The following FAM193A variants were observed in gnomAD, a reference collection of about 807,000 sequenced individuals.
FAM193A encodes the protein family with sequence similarity 193 member A.
FAM193A carries 22 observed loss-of-function variants against 126.5 expected under a neutral mutation model. The ratio of observed to expected loss-of-function variants is 0.17; its 90% CI spans 0.12 to 0.25. The LOEUF (loss-of-function observed/expected upper bound fraction) is 0.25. FAM193A is among the 10% of genes least tolerant of loss of function. The probability of loss-of-function intolerance (pLI) is 1.00; values close to 1 mark genes in which losing one functional copy is unlikely to be tolerated. For synonymous variants in FAM193A, 761 were observed against 646.8 expected, an observed-to-expected ratio of 1.18 and a Z score of -2.68; for missense variants, 1,675 against 1,672.8, an observed-to-expected ratio of 1.00 and a Z score of -0.02.
At chr4:2,580,651 T>G (rs1415008268) in intron 1 of FAM193A, among the ~76,000 whole-genome samples, 1 of 152,022 alleles carries the variant, frequency 6.6e-6, no homozygotes, top group Non-Finnish European at 1.5e-5. Flanking sequence ...TTAAAAAGAG[T>G]CTGGGGCCTC....
At chr4:2,645,468 T>G (rs1169724569) in intron 6 of FAM193A, among the ~76,000 whole-genome samples, 1 of 152,168 alleles carries the variant, frequency 6.6e-6, no homozygotes, top group Non-Finnish European at 1.5e-5. Flanking sequence ...CATGTGTGTC[T>G]TTTGTTTCCC....
chr4:2,554,678 G>T (rs1180175312), intron 1 of FAM193A, among the ~76,000 whole-genome samples: 5 of 152,074 alleles, frequency 3.3e-5, no homozygotes, highest in Non-Finnish European at 5.9e-5. Flanking sequence ...GAATGTTGAA[G>T]TCTCTGCCTA....
At chr4:2,648,653 G>T (rs1745371537) in intron 7 of FAM193A, among the ~76,000 whole-genome samples, 1 of 152,200 alleles carries the variant, frequency 6.6e-6, no homozygotes, top group Non-Finnish European at 1.5e-5. Flanking sequence ...AGCATCCCAG[G>T]GGCTGCAGCT....
chr4:2,578,967 G>A (rs1019277165), intron 1 of FAM193A, among the ~76,000 whole-genome samples: 5 of 151,804 alleles, frequency 3.3e-5, no homozygotes, highest in Admixed American at 6.6e-5. Flanking sequence ...GGCACACAGT[G>A]TAACTTTATT....
In FAM193A at chr4:2,625,274, C is replaced by G. The variant is rs1322592712; in HGVS notation, c.514C>G (p.Leu172Val). The G allele has an allele frequency of 7.1e-6, 5 of 702,058 alleles. No homozygotes were observed. The highest frequency in any genetic ancestry group is 1.3e-5 in the Non-Finnish European group (5 of 384,524). 43.5% of individuals were successfully genotyped at this position (702,058 alleles called of 1,614,324 possible). The stretch of plus-strand genomic sequence containing the variant: ...CTTTTTAAAACAGAGCCAAGATTTT[C>G]TTCTTCACTCCTCGCTTGGTGGCTC... Reference protein sequence around the residue: ...GLDQPVSQDFLLHSSLGGSQP... With the variant: ...GLDQPVSQDFVLHSSLGGSQP... Residue 172 changes from leucine to valine, a missense_variant, in exon 3 of 21, where the codon CTT (leucine) becomes GTT (valine). This residue lies in a region of FAM193A where 1,186 missense variants were observed against 1,109.2 expected (regional missense o/e 1.07). Transcript: ENST00000637812.
At chr4:2,629,181 A>G (rs574798460) in intron 4 of FAM193A, among the ~76,000 whole-genome samples, 59 of 151,510 alleles carry the variant, frequency 3.9e-4, no homozygotes, top group Non-Finnish European at 6.8e-4. Context: ...AAAGTATCAC[A>G]TGGTTATTTC....
In FAM193A at chr4:2,689,489, A is replaced by G. The variant is rs1716117694; in HGVS notation, c.2332-17A>G. On this transcript the variant is annotated splice_polypyrimidine_tract_variant and intron_variant, in intron 13 of 20. Transcript: ENST00000637812. ...AATATTAATTTTGATATGTGATTAGAAAATTTTTTTTTGTAGGCTTTACCG... is the reference window on the plus strand; with the variant it reads ...AATATTAATTTTGATATGTGATTAGGAAATTTTTTTTTGTAGGCTTTACCG... 1 of 1,547,544 alleles carries G rather than the reference A, an allele frequency of 6.5e-7. No individual in the cohort carries two copies. The highest frequency in any genetic ancestry group is 8.6e-7 in the Non-Finnish European group (1 of 1,158,304).
chr4:2,593,376 A>G (rs550179058), intron 1 of FAM193A, among the ~76,000 whole-genome samples: 2 of 151,986 alleles, frequency 1.3e-5, no homozygotes, highest in Admixed American at 6.5e-5. Flanking sequence ...TGTCAGCCCC[A>G]TGCCAGCCAC....
intron 1 of FAM193A, among the ~76,000 whole-genome samples, chr4:2,581,172 A>AT (rs1001652282): frequency 1.3e-5 from 2 of 149,726 alleles, no homozygotes; most frequent in African/African-American, 4.9e-5. Context: ...ATTTTATTCC[A>AT]TTTTTGGGAT....
chr4:2,542,672 G>C (rs1737303417), intron 1 of FAM193A, among the ~76,000 whole-genome samples: 1 of 152,178 alleles, frequency 6.6e-6, no homozygotes, highest in Non-Finnish European at 1.5e-5. Context: ...GTATCAACCA[G>C]AAACAGTGAG....
At chr4:2,720,618 T>C (rs1720024917) in intron 20 of FAM193A, among the ~76,000 whole-genome samples, 1 of 148,404 alleles carries the variant, frequency 6.7e-6, no homozygotes, top group Non-Finnish European at 1.5e-5. Flanking sequence ...ACCACTGTGC[T>C]CCAGCTTGGG....
At chr4:2,719,335 G>T (rs1233904411) in intron 20 of FAM193A, among the ~76,000 whole-genome samples, 1 of 152,230 alleles carries the variant, frequency 6.6e-6, no homozygotes, top group East Asian at 1.9e-4. Flanking sequence ...ACCTACATCA[G>T]TGTAATTTTC....
At chr4:2,713,423 G>A (rs1237466244) in intron 19 of FAM193A, among the ~76,000 whole-genome samples, 3 of 151,990 alleles carry the variant, frequency 2.0e-5, no homozygotes, top group Non-Finnish European at 2.9e-5. Flanking sequence ...AAAAAAAATT[G>A]GGGTATTAGG....
At chr4:2,554,073 T>C (rs947516717) in intron 1 of FAM193A, among the ~76,000 whole-genome samples, 1 of 152,142 alleles carries the variant, frequency 6.6e-6, no homozygotes, top group African/African-American at 2.4e-5. Context: ...TTAATTCTGT[T>C]ATCTCTCCCT....
chr4:2,662,797 C>T (rs916280556), intron 10 of FAM193A, 41 bp from the exon 11 acceptor site: 22 of 1,547,290 alleles, frequency 1.4e-5, no homozygotes, highest in Non-Finnish European at 1.8e-5. Flanking sequence ...TTGTCTTTCA[C>T]AATTGAATGA....
chr4:2,693,482 G>C lies in FAM193A; in HGVS notation c.2804-104G>C. 2.8e-6 allele frequency: 3 copies of C among 1,072,174 alleles called. No homozygotes were observed. The South Asian group carries it at 4.5e-5, about 16-fold the overall frequency. 66.4% of individuals were successfully genotyped at this position (1,072,174 alleles called of 1,614,324 possible). A position where few individuals can be genotyped will look rare whatever the true frequency, so the allele number is the denominator to read the frequency against. ...ATATTAGGTCGTGAAGATGAAGCAA[G>C]GTGAAGGATGAATGGGTACTCTTTG... On this transcript the variant is annotated intron_variant, in intron 15 of 20. Coordinates refer to ENST00000637812, the MANE Select transcript of FAM193A (RefSeq NM_001366318.2).
chr4:2,712,832 G>A lies in FAM193A; in HGVS notation c.4373-3191G>A, dbSNP rs917210152. ...AAAAAAAATTGTGGGGCTGGGCGTGGTGGCTCATGCCTGTAATCCCAGCAC... is the reference window on the plus strand; with the variant it reads ...AAAAAAAATTGTGGGGCTGGGCGTGATGGCTCATGCCTGTAATCCCAGCAC... On this transcript the variant is annotated intron_variant, in intron 19 of 20. Transcript: ENST00000637812. Among the ~76,000 whole-genome samples the A allele has an allele frequency of 1.7e-4, 26 of 152,068 alleles. No homozygotes were observed. The South Asian group carries it at 2.3e-3, about 13-fold the overall frequency.
chr4:2,659,626 C>G lies in FAM193A; in HGVS notation c.1458C>G (p.Ser486=). The change falls in exon 9 of 21, where the codon TCC becomes TCG. Residue 486 remains serine (S), a synonymous_variant. Coordinates refer to ENST00000637812, the MANE Select transcript of FAM193A (RefSeq NM_001366318.2). ...FTDTMRHMLS[S]RLSMPDCPNC... ...ACACCATGAGGCACATGTTATCGTC[C>G]CGGCTGAGCATGCCCGACTGCCCCA... The G allele has an allele frequency of 6.2e-7, 1 of 1,614,110 alleles. No homozygotes were observed. Among genetic ancestry groups the G allele is most frequent in the East Asian group, 2.2e-5 (1 of 44,884 alleles).
At chr4:2,704,935 G>A (rs565824247) in intron 19 of FAM193A, among the ~76,000 whole-genome samples, 4 of 146,454 alleles carry the variant, frequency 2.7e-5, no homozygotes, top group East Asian at 3.9e-4. Context: ...TTTTTGAGAC[G>A]GAATCTTGCT....
Sources: allele counts gnomAD v4.1 joint callset (sites outside exome capture counted in the v4.1 genomes callset), GRCh38; gene constraint gnomAD v4.1.1; regional missense constraint gnomAD v4.1.1; transcripts MANE v1.5; gene names NCBI Gene and HGNC (gene_info 2026-07-23, HGNC 2026-07-21).